SMYD3: variants seen among roughly 807,000 people sequenced by gnomAD.
The protein encoded by SMYD3 is histone-lysine N-methyltransferase SMYD3.
SMYD3 carries 36 observed loss-of-function variants against 57.7 expected under a neutral mutation model. That is an observed-to-expected ratio of 0.62 (90% CI 0.48 to 0.82). The LOEUF is 0.82. Ranked by LOEUF, SMYD3 falls within the 40% of genes least tolerant of loss-of-function variation. SMYD3 has a pLI of 0.00. For synonymous variants in SMYD3, 211 were observed against 195.0 expected, an observed-to-expected ratio of 1.08 and a Z score of -0.68; for missense variants, 515 against 538.8, an observed-to-expected ratio of 0.96 and a Z score of 0.44.
chr1:246,165,400 G>C (rs748033787), intron 5 of SMYD3, among the ~76,000 whole-genome samples: 7 of 152,038 alleles, frequency 4.6e-5, no homozygotes, highest in Admixed American at 6.6e-5. Flanking sequence ...ACATTTAAAG[G>C]CTAAAAAAGG....
At chr1:245,779,644 T>C (rs1196924460) in intron 10 of SMYD3, among the ~76,000 whole-genome samples, 1 of 152,212 alleles carries the variant, frequency 6.6e-6, no homozygotes, top group Admixed American at 6.5e-5. Flanking sequence ...CAGCTATGAA[T>C]CTTGTTTTAT....
intron 5 of SMYD3, among the ~76,000 whole-genome samples, chr1:246,181,367 G>A (rs1252365339): frequency 6.6e-6 from 1 of 152,210 alleles, no homozygotes; most frequent in East Asian, 1.9e-4. Context: ...TGTGATGTAA[G>A]GAATCTGTGT....
At chr1:246,045,780 A>T (rs1225799913) in intron 5 of SMYD3, among the ~76,000 whole-genome samples, 1 of 152,216 alleles carries the variant, frequency 6.6e-6, no homozygotes, top group East Asian at 1.9e-4. Flanking sequence ...TAAATTTACA[A>T]GAAAAAAATC....
In SMYD3 at chr1:245,893,273, C is replaced by T. The variant is rs113347756; in HGVS notation, c.813+22257G>A. ...AGTCATTGCTGGTGGGAATTCAAAACAATAGGGGCTGCTTTGAAAAAAAGT... is the reference window on the plus strand; with the variant it reads ...AGTCATTGCTGGTGGGAATTCAAAATAATAGGGGCTGCTTTGAAAAAAAGT... On this transcript the variant is annotated intron_variant, in intron 8 of 11. Coordinates refer to ENST00000490107, the MANE Select transcript of SMYD3 (RefSeq NM_001167740.2). 3.3e-3 allele frequency among the ~76,000 whole-genome samples: 506 copies of T among 152,170 alleles called. 3 individuals are homozygous for T. The highest frequency in any genetic ancestry group is 0.012 in the African/African-American group (482 of 41,502).
At chr1:246,135,371 G>A (rs2061651511) in intron 5 of SMYD3, among the ~76,000 whole-genome samples, 1 of 152,072 alleles carries the variant, frequency 6.6e-6, no homozygotes, top group Non-Finnish European at 1.5e-5. Context: ...TAAGCTTCTG[G>A]AAGCTATCCC....
chr1:245,760,463 T>A (rs1285763420), intron 11 of SMYD3, among the ~76,000 whole-genome samples: 1 of 152,182 alleles, frequency 6.6e-6, no homozygotes, highest in African/African-American at 2.4e-5. Flanking sequence ...TGAGCTTTCC[T>A]AGGGATGGAT....
chr1:246,387,776 A>G (rs1222619319), intron 1 of SMYD3, among the ~76,000 whole-genome samples: 2 of 152,254 alleles, frequency 1.3e-5, no homozygotes, highest in South Asian at 4.1e-4. Flanking sequence ...TTTGGAAAAA[A>G]TTATATTAAA....
intron 5 of SMYD3, among the ~76,000 whole-genome samples, chr1:245,952,819 A>G (rs567814088): frequency 7.2e-5 from 11 of 152,346 alleles, no homozygotes; most frequent in Admixed American, 6.5e-4. Context: ...AACGCATACT[A>G]AAATGATGAG....
At chr1:246,111,930 CA>C (rs1256006669) in intron 5 of SMYD3, among the ~76,000 whole-genome samples, 1 of 152,104 alleles carries the variant, frequency 6.6e-6, no homozygotes, top group East Asian at 1.9e-4. Flanking sequence ...CATTCTGGAG[CA>C]ATATTATTTG....
chr1:246,261,051 G>T (rs201117982), intron 5 of SMYD3, among the ~76,000 whole-genome samples: 1,952 of 97,622 alleles, frequency 0.02, 57 homozygotes, highest in African/African-American at 0.067. Flanking sequence ...TTTTGTTGTT[G>T]TTGTTGTTGT....
At chr1:246,247,307 A>G (rs2063719979) in intron 5 of SMYD3, among the ~76,000 whole-genome samples, 1 of 144,408 alleles carries the variant, frequency 6.9e-6, no homozygotes, top group Non-Finnish European at 1.5e-5. Context: ...TTATAAGCAA[A>G]ATGCTAAAAT....
chr1:245,781,335 A>G (rs573105072), intron 10 of SMYD3, among the ~76,000 whole-genome samples: 11 of 152,382 alleles, frequency 7.2e-5, no homozygotes, highest in African/African-American at 2.6e-4. Context: ...ACTGAAGCAT[A>G]GACAGATTAA....
intron 9 of SMYD3, 87 bp from the exon 10 acceptor site, chr1:245,858,757 CAAGCACAGGAGCGAGGGAAGCACCCGT>C (rs1313774888): frequency 3.5e-6 from 5 of 1,418,280 alleles, no homozygotes; most frequent in Non-Finnish European, 4.8e-6. Context: ...AAAGAGCTCC[CAAGCACAGGAGCGAGGGAAGCACCCGT>C]TATTTTTCAC....
chr1:245,863,730 A>T, intron 9 of SMYD3, 69 bp downstream of exon 9: 1 of 1,468,988 alleles, frequency 6.8e-7, no homozygotes, highest in Non-Finnish European at 9.5e-7. Flanking sequence ...TGACCTCATT[A>T]CGACAGGGCT....
chr1:246,100,386 G>A (rs1025169393), intron 5 of SMYD3, among the ~76,000 whole-genome samples: 2 of 152,224 alleles, frequency 1.3e-5, no homozygotes, highest in African/African-American at 2.4e-5. Context: ...TGACGAGTCA[G>A]ATGGCCCCAC....
chr1:246,459,165 C>A (rs2067753739), intron 1 of SMYD3, among the ~76,000 whole-genome samples: 2 of 150,728 alleles, frequency 1.3e-5, no homozygotes, highest in African/African-American at 4.9e-5. Flanking sequence ...TTCACTCTCT[C>A]CTGCTCTGCT....
intron 8 of SMYD3, among the ~76,000 whole-genome samples, chr1:245,895,235 G>C (rs1293990573): frequency 5.9e-5 from 9 of 152,082 alleles, no homozygotes; most frequent in Admixed American, 4.6e-4. Context: ...TGCTTGTCTG[G>C]AGAAGCAAGA....
chr1:245,848,115 T>TC (rs1469835482), intron 10 of SMYD3, among the ~76,000 whole-genome samples: 1 of 151,638 alleles, frequency 6.6e-6, no homozygotes, highest in Non-Finnish European at 1.5e-5. Context: ...TTTTTTTTTT[T>TC]TGGAGACAGG....
intron 5 of SMYD3, among the ~76,000 whole-genome samples, chr1:245,963,685 A>G (rs1368243964): frequency 6.6e-6 from 1 of 152,200 alleles, no homozygotes; most frequent in Non-Finnish European, 1.5e-5. Flanking sequence ...AAAAGAAAAA[A>G]ACACCAGAGA....
Sources: gnomAD v4.1 joint callset for allele counts (sites outside exome capture counted in the v4.1 genomes callset) on GRCh38, gnomAD v4.1.1 for gene constraint, MANE v1.5 for transcripts, NCBI Gene and HGNC (gene_info 2026-07-23, HGNC 2026-07-21) for gene names.